Variants in TEX26 observed in about 807,000 individuals in gnomAD.
TEX26 encodes the protein testis-expressed protein 26.
A neutral mutation model predicts 35.3 loss-of-function variants in TEX26; 34 were observed. The observed-to-expected ratio is 0.96, with a 90% CI of 0.73 to 1.28. The LOEUF is 1.28. Ranked by LOEUF, TEX26 falls within the 50% of genes most tolerant of loss-of-function variation. The probability of loss-of-function intolerance (pLI) is 0.00; values close to 1 mark genes in which losing one functional copy is unlikely to be tolerated. For missense variants in TEX26, 371 were observed against 330.1 expected, an observed-to-expected ratio of 1.12 and a Z score of -0.96; for synonymous variants, 136 against 111.8, an observed-to-expected ratio of 1.22 and a Z score of -1.36.
At chr13:30,959,348 G>T (rs1479369014) in intron 4 of TEX26, among the ~76,000 whole-genome samples, 2 of 152,050 alleles carry the variant, frequency 1.3e-5, no homozygotes, top group African/African-American at 4.8e-5. Context: ...TAAATAATTT[G>T]CTTCTACTGC....
chr13:30,957,793 G>T (rs1445896383), intron 4 of TEX26, among the ~76,000 whole-genome samples: 1 of 152,212 alleles, frequency 6.6e-6, no homozygotes, highest in African/African-American at 2.4e-5. Context: ...ACCCACCCCA[G>T]TGCCTGGCTT....
At chr13:30,964,860 A>G (rs1954472701) in intron 4 of TEX26, among the ~76,000 whole-genome samples, 1 of 152,192 alleles carries the variant, frequency 6.6e-6, no homozygotes. Flanking sequence ...GCCCACTCCC[A>G]CAATAACAGC....
At chr13:30,957,421 G>A (rs113224716) in intron 4 of TEX26, among the ~76,000 whole-genome samples, 96 of 152,266 alleles carry the variant, frequency 6.3e-4, no homozygotes, top group African/African-American at 2.2e-3. Context: ...GGTTGAGGGA[G>A]GAGATCAACG....
chr13:30,969,072 C>G, intron 6 of TEX26, 26 bp downstream of exon 6: 2 of 1,597,504 alleles, frequency 1.3e-6, no homozygotes, highest in Non-Finnish European at 1.7e-6. Context: ...ATTTCACACA[C>G]TTACAGATCA....
chr13:30,974,841 T>A lies in TEX26; in HGVS notation c.809-5T>A, dbSNP rs1279736509. 1 of 1,553,864 alleles carries A rather than the reference T, an allele frequency of 6.4e-7. No individual in the cohort carries two copies. The highest frequency in any genetic ancestry group is 8.6e-7 in the Non-Finnish European group (1 of 1,156,192). On this transcript the variant is annotated splice_region_variant and splice_polypyrimidine_tract_variant and intron_variant, in intron 6 of 6. Transcript: ENST00000380473. ...TTTCATCCTGTTTTTCTTCATACTT[T>A]TCAGATAGACAAATTATTGATCGCT...
intron 3 of TEX26, among the ~76,000 whole-genome samples, chr13:30,953,310 C>T (rs1300290370): frequency 3.9e-5 from 6 of 152,148 alleles, no homozygotes; most frequent in African/African-American, 1.4e-4. Context: ...CTTCTTTTCA[C>T]TTAGCATAAT....
intron 4 of TEX26, among the ~76,000 whole-genome samples, chr13:30,957,952 G>A (rs1201256221): frequency 1.3e-5 from 2 of 152,340 alleles, no homozygotes; most frequent in Admixed American, 1.3e-4. Context: ...AGGTAAGTAG[G>A]AAACCATGAG....
chr13:30,956,961 A>C lies in TEX26; in HGVS notation c.401A>C (p.Glu134Ala), dbSNP rs781342477. ...LPWKIPASMK[E>A]VNKALSNQFI... Reference sequence around the variant, plus strand: ...TGGAAAATCCCGGCTTCAATGAAAGAAGTTAACAAGGCACTATCAAATCAG... The same window carrying C: ...TGGAAAATCCCGGCTTCAATGAAAGCAGTTAACAAGGCACTATCAAATCAG... The change falls in exon 4 of 7, where the codon GAA becomes GCA. Residue 134 changes from glutamate to alanine, a missense_variant. By Grantham distance (107) the Glu-to-Ala change is moderately radical. Coordinates refer to ENST00000380473, the MANE Select transcript of TEX26 (RefSeq NM_152325.3). The C allele has an allele frequency of 6.2e-7, 1 of 1,614,116 alleles. No individual in the cohort carries two copies. The highest frequency in any genetic ancestry group is 1.7e-5 in the Admixed American group (1 of 60,014).
At chr13:30,963,452 C>T (rs866758714) in intron 4 of TEX26, among the ~76,000 whole-genome samples, 1 of 152,174 alleles carries the variant, frequency 6.6e-6, no homozygotes, top group South Asian at 2.1e-4. Flanking sequence ...CTCATTAACA[C>T]AACATTTTAT....
intron 3 of TEX26, 79 bp from the exon 4 acceptor site, chr13:30,956,794 T>A: frequency 7.7e-7 from 1 of 1,306,106 alleles, no homozygotes; most frequent in Non-Finnish European, 1.1e-6. Context: ...GAAGAATATG[T>A]GCACACAGAC....
At chr13:30,934,443 C>T (rs1034803772) in intron 1 of TEX26, among the ~76,000 whole-genome samples, 1 of 152,184 alleles carries the variant, frequency 6.6e-6, no homozygotes, top group Non-Finnish European at 1.5e-5. Flanking sequence ...TATTAGTTTC[C>T]TGTGGCTGCT....
chr13:30,933,032 G>A (rs1371952531), intron 1 of TEX26: 5 of 409,766 alleles, frequency 1.2e-5, no homozygotes, highest in Admixed American at 1.1e-4. Context: ...TCGAGGAAGT[G>A]CCTGGCTAAG....
intron 2 of TEX26, among the ~76,000 whole-genome samples, chr13:30,949,073 C>G (rs564514901): frequency 5.3e-5 from 8 of 152,076 alleles, no homozygotes; most frequent in East Asian, 3.8e-4. Flanking sequence ...TTATTTCTGA[C>G]GGCTCTGTTC....
In TEX26 at chr13:30,950,141, C is replaced by T. The variant is rs139513958; in HGVS notation, c.147-2519C>T. ...GGAAAAGATTCTGGGCATGGTGGCT[C>T]ATGCCTGTAATCCCAACACTTTGGG... On this transcript the variant is annotated intron_variant, in intron 2 of 6. Coordinates refer to ENST00000380473, the MANE Select transcript of TEX26 (RefSeq NM_152325.3). Among the ~76,000 whole-genome samples the T allele has an allele frequency of 8.9e-3, 1,354 of 152,334 alleles. 22 individuals carry two copies. Among genetic ancestry groups the T allele is most frequent in the African/African-American group, 0.03 (1,260 of 41,574 alleles).
intron 4 of TEX26, among the ~76,000 whole-genome samples, chr13:30,958,456 C>G (rs1287684326): frequency 6.6e-6 from 1 of 152,162 alleles, no homozygotes; most frequent in Non-Finnish European, 1.5e-5. Context: ...TGTTCTCCTG[C>G]TTTTTGGTGA....
chr13:30,971,462 G>A (rs1260083877), intron 6 of TEX26, among the ~76,000 whole-genome samples: 2 of 152,202 alleles, frequency 1.3e-5, no homozygotes, highest in Non-Finnish European at 2.9e-5. Flanking sequence ...AAAGGGAAAA[G>A]GCCAGGCTTG....
At chr13:30,971,766 C>CTAG (rs1385242294) in intron 6 of TEX26, among the ~76,000 whole-genome samples, 1 of 152,158 alleles carries the variant, frequency 6.6e-6, no homozygotes, top group African/African-American at 2.4e-5. Flanking sequence ...CACTCAAAAG[C>CTAG]TTACTCATTG....
chr13:30,950,145 C>T (rs1426961135), intron 2 of TEX26, among the ~76,000 whole-genome samples: 1 of 152,222 alleles, frequency 6.6e-6, no homozygotes, highest in Non-Finnish European at 1.5e-5. Flanking sequence ...GTGGCTCATG[C>T]CTGTAATCCC....
At chr13:30,956,805 A>G in intron 3 of TEX26, 68 bp from the exon 4 acceptor site, 1 of 1,385,934 alleles carries the variant, frequency 7.2e-7, no homozygotes, top group South Asian at 1.2e-5. Context: ...GCACACAGAC[A>G]CTCAGATTAT....
Sources: allele counts gnomAD v4.1 joint callset (sites outside exome capture counted in the v4.1 genomes callset), GRCh38; gene constraint gnomAD v4.1.1; transcripts MANE v1.5; gene names NCBI Gene and HGNC (gene_info 2026-07-23, HGNC 2026-07-21).